ETV6: variants seen among roughly 807,000 people sequenced by gnomAD.
ETV6 encodes ETS variant transcription factor 6.
ETV6 carries 16 observed loss-of-function variants against 51.1 expected under a neutral mutation model. The ratio of observed to expected loss-of-function variants is 0.31; its 90% confidence interval spans 0.21 to 0.48. The LOEUF is 0.48. Among genes scored for constraint, ETV6 ranks in the 20% least tolerant of loss-of-function variants. ETV6 has a pLI of 0.99. For missense variants in ETV6, 458 were observed against 594.8 expected (o/e 0.77, Z 2.39); for synonymous variants, 240 against 224.1 (o/e 1.07, Z -0.64).
At chr12:11,845,182 A>G (rs748634771) in intron 3 of ETV6, among the ~76,000 whole-genome samples, 8 of 152,186 alleles carry the variant, frequency 5.3e-5, no homozygotes, top group Non-Finnish European at 8.8e-5. Context: ...GGAGGTGGGC[A>G]CCCACCCTGT....
intron 2 of ETV6, among the ~76,000 whole-genome samples, chr12:11,819,310 C>T (rs1946042109): frequency 6.6e-6 from 1 of 152,190 alleles, no homozygotes; most frequent in Non-Finnish European, 1.5e-5. Context: ...TGCAAGATAC[C>T]ACTGTCCTCT....
chr12:11,687,453 A>G (rs1591608886), intron 1 of ETV6, among the ~76,000 whole-genome samples: 1 of 152,098 alleles, frequency 6.6e-6, no homozygotes, highest in Admixed American at 6.5e-5. Context: ...AAGTGCCGAC[A>G]TTACAGGCGT....
In ETV6 at chr12:11,657,341, G is replaced by A. The variant is rs539290451; in HGVS notation, c.33+7181G>A. Among the ~76,000 whole-genome samples the A allele has an allele frequency of 1.9e-3, 289 of 152,224 alleles. 2 individuals are homozygous for A. Among genetic ancestry groups the A allele is most frequent in the Non-Finnish European group, 3.0e-3 (207 of 67,996 alleles). On this transcript the variant is annotated intron_variant, in intron 1 of 7. Transcript: ENST00000396373. ...TAACACCATAGCAGAGGAAAAATGA[G>A]AAAAAACAGGCAAGAATTCAGAAAG...
intron 1 of ETV6, among the ~76,000 whole-genome samples, chr12:11,726,431 G>T (rs946958224): frequency 2.0e-5 from 3 of 152,128 alleles, no homozygotes; most frequent in Admixed American, 2.0e-4. Flanking sequence ...AAATGAAAAT[G>T]GCATGATTCC....
At chr12:11,818,545 A>G (rs1269427442) in intron 2 of ETV6, among the ~76,000 whole-genome samples, 1 of 151,902 alleles carries the variant, frequency 6.6e-6, no homozygotes, top group East Asian at 1.9e-4. Flanking sequence ...AAAAAAAAAA[A>G]AAAAGCAATG....
At chr12:11,748,167 A>T (rs1254146614) in intron 1 of ETV6, among the ~76,000 whole-genome samples, 1 of 152,204 alleles carries the variant, frequency 6.6e-6, no homozygotes, top group Non-Finnish European at 1.5e-5. Context: ...GTGCAATGGG[A>T]TGAAAGCATG....
intron 5 of ETV6, among the ~76,000 whole-genome samples, chr12:11,883,016 G>T (rs1565566693): frequency 6.6e-6 from 1 of 152,228 alleles, no homozygotes; most frequent in Non-Finnish European, 1.5e-5. Context: ...GTTCATACTT[G>T]TAATTCAGTA....
intron 2 of ETV6, among the ~76,000 whole-genome samples, chr12:11,812,662 C>T (rs1945931518): frequency 6.6e-6 from 1 of 152,108 alleles, no homozygotes; most frequent in South Asian, 2.1e-4. Flanking sequence ...AGTATTCTTT[C>T]ACAGCCACCA....
At chr12:11,758,555 G>A (rs1433885461) in intron 2 of ETV6, among the ~76,000 whole-genome samples, 1 of 152,102 alleles carries the variant, frequency 6.6e-6, no homozygotes, top group East Asian at 1.9e-4. Context: ...TTTTGCTCTA[G>A]GGCACTCCAT....
At chr12:11,822,380 C>T (rs535225066) in intron 2 of ETV6, among the ~76,000 whole-genome samples, 2 of 152,192 alleles carry the variant, frequency 1.3e-5, no homozygotes, top group South Asian at 4.1e-4. Context: ...CTGCCTTGTG[C>T]GTTAGAACTC....
At chr12:11,862,686 T>C (rs1255549176) in intron 4 of ETV6, among the ~76,000 whole-genome samples, 1 of 152,216 alleles carries the variant, frequency 6.6e-6, no homozygotes, top group Non-Finnish European at 1.5e-5. Flanking sequence ...CCAGTCATAT[T>C]GGATGTTTAA....
chr12:11,735,979 GC>G (rs1386010266), intron 1 of ETV6, among the ~76,000 whole-genome samples: 31 of 152,252 alleles, frequency 2.0e-4, no homozygotes, highest in African/African-American at 7.5e-4. Flanking sequence ...TTTAAATGTC[GC>G]CCTTATTTTG....
intron 1 of ETV6, among the ~76,000 whole-genome samples, chr12:11,670,148 G>A (rs7301024): frequency 1.0e-3 from 155 of 152,198 alleles, no homozygotes; most frequent in African/African-American, 3.7e-3. Context: ...GATTATATCA[G>A]TTTTCATGGC....
At chr12:11,864,891 C>T (rs571644074) in intron 4 of ETV6, among the ~76,000 whole-genome samples, 11 of 152,276 alleles carry the variant, frequency 7.2e-5, no homozygotes, top group Non-Finnish European at 1.2e-4. Context: ...CTGTGGTCTA[C>T]CTCCTCTCTC....
chr12:11,745,879 G>C (rs1460892851), intron 1 of ETV6, among the ~76,000 whole-genome samples: 1 of 152,200 alleles, frequency 6.6e-6, no homozygotes, highest in African/African-American at 2.4e-5. Flanking sequence ...GTTATCATTT[G>C]CATAAGCAAC....
At chr12:11,790,382 C>A (rs979968675) in intron 2 of ETV6, among the ~76,000 whole-genome samples, 2 of 152,158 alleles carry the variant, frequency 1.3e-5, no homozygotes, top group African/African-American at 4.8e-5. Flanking sequence ...AAGGCAAGTT[C>A]TCCGTGCCTG....
intron 1 of ETV6, among the ~76,000 whole-genome samples, chr12:11,676,481 C>T (rs1385751558): frequency 9.2e-5 from 14 of 152,232 alleles, no homozygotes; most frequent in Admixed American, 9.2e-4. Context: ...CCCTTGCCCA[C>T]ACCAACTCCT....
intron 1 of ETV6, among the ~76,000 whole-genome samples, chr12:11,656,511 A>G (rs1174595923): frequency 6.6e-6 from 1 of 152,182 alleles, no homozygotes; most frequent in Admixed American, 6.5e-5. Flanking sequence ...CCATTACACA[A>G]GTAGCGGGGA....
intron 5 of ETV6, among the ~76,000 whole-genome samples, chr12:11,874,658 G>GTGTGTATGTATATATGTGTGTA: frequency 7.4e-5 from 1 of 13,538 alleles, no homozygotes; most frequent in Non-Finnish European, 1.5e-4. Flanking sequence ...ACATATGTGT[G>GTGTGTATGTATATATGTGTGTA]TATATGTATA....
Sources: gnomAD v4.1 joint callset for allele counts (sites outside exome capture counted in the v4.1 genomes callset) on GRCh38, gnomAD v4.1.1 for gene constraint, MANE v1.5 for transcripts, NCBI Gene and HGNC (gene_info 2026-07-23, HGNC 2026-07-21) for gene names.